C4orf36: variants seen among roughly 807,000 people sequenced by gnomAD.
C4orf36 encodes chromosome 4 open reading frame 36, also known as uncharacterized protein C4orf36.
C4orf36 carries 11 observed loss-of-function variants against 12.2 expected under a neutral mutation model. The ratio of observed to expected loss-of-function variants is 0.90; its 90% CI spans 0.57 to 1.49. The LOEUF (loss-of-function observed/expected upper bound fraction) is 1.49. Ranked by LOEUF, C4orf36 falls within the 40% of genes most tolerant of loss-of-function variation. The probability of loss-of-function intolerance (pLI) is 0.00; values close to 1 mark genes in which losing one functional copy is unlikely to be tolerated. For synonymous variants in C4orf36, 54 were observed against 51.3 expected, an observed-to-expected ratio of 1.05 and a Z score of -0.22; for missense variants, 137 against 133.9, an observed-to-expected ratio of 1.02 and a Z score of -0.11.
chr4:86,923,792 A>G, the C4orf36 span, among the ~76,000 whole-genome samples: 1 of 151,932 alleles, frequency 6.6e-6, no homozygotes, highest in East Asian at 1.9e-4. Flanking sequence ...AATTCCTGAT[A>G]AATTATTGGT....
the C4orf36 span, chr4:86,924,558 G>A: frequency 6.6e-6 from 1 of 152,348 alleles, no homozygotes; most frequent in African/African-American, 2.4e-5. Flanking sequence ...GCCCAGGCTG[G>A]TCTTGAACTC....
upstream of C4orf36, among the ~76,000 whole-genome samples, chr4:86,893,864 T>TTTTATTTATTTA (rs147837409): frequency 1.5e-4 from 21 of 138,286 alleles, no homozygotes; most frequent in Admixed American, 3.0e-4. Flanking sequence ...TGGCCTGAAT[T>TTTTATTTATTTA]TTTATTTATT....
the C4orf36 span, chr4:86,924,693 T>A: frequency 6.6e-6 from 1 of 152,234 alleles, no homozygotes; most frequent in Non-Finnish European, 1.5e-5. Flanking sequence ...ATAATGTGGG[T>A]CCTTGTGTGA....
chr4:86,922,002 C>A, the C4orf36 span, among the ~76,000 whole-genome samples: 5 of 152,090 alleles, frequency 3.3e-5, no homozygotes, highest in Non-Finnish European at 5.9e-5. Context: ...AACTCACATA[C>A]AAATACAAAA....
At chr4:86,907,441 C>T in the C4orf36 span, among the ~76,000 whole-genome samples, 1 of 152,056 alleles carries the variant, frequency 6.6e-6, no homozygotes, top group African/African-American at 2.4e-5. Flanking sequence ...ATCTGTGTAC[C>T]AAACCCCCAT....
chr4:86,890,011 T>C, intron 2 of C4orf36: 1 of 451,818 alleles, frequency 2.2e-6, no homozygotes, highest in Non-Finnish European at 4.4e-6. Context: ...GGCAACAAAG[T>C]GAGACCCCAT....
chr4:86,897,051 G>A (rs907187674), upstream of C4orf36, among the ~76,000 whole-genome samples: 6 of 152,088 alleles, frequency 3.9e-5, no homozygotes, highest in Non-Finnish European at 8.8e-5. Flanking sequence ...ACAGTTAAGG[G>A]GGAAAAATGT....
At chr4:86,892,449 T>C, upstream of C4orf36, 8 of 985,302 alleles carry the variant, frequency 8.1e-6, no homozygotes, top group Non-Finnish European at 9.6e-6. Context: ...CACGGGAGCC[T>C]CAACAAAGGG....
the C4orf36 span, chr4:86,933,240 A>C: frequency 6.6e-6 from 1 of 152,098 alleles, no homozygotes; most frequent in Non-Finnish European, 1.5e-5. Flanking sequence ...CATTCACGAA[A>C]TAAATCAACA....
chr4:86,896,007 A>C (rs1747583515), upstream of C4orf36, among the ~76,000 whole-genome samples: 1 of 152,248 alleles, frequency 6.6e-6, no homozygotes, highest in African/African-American at 2.4e-5. Context: ...TAGTGTGGTA[A>C]CTTTACAGTC....
the C4orf36 span, among the ~76,000 whole-genome samples, chr4:86,922,509 G>A: frequency 6.6e-6 from 1 of 152,178 alleles, no homozygotes; most frequent in Non-Finnish European, 1.5e-5. Context: ...TGGATCCCAT[G>A]AACATTTCTC....
chr4:86,912,637 T>C, the C4orf36 span, among the ~76,000 whole-genome samples: 6 of 152,338 alleles, frequency 3.9e-5, no homozygotes, highest in East Asian at 1.9e-4. Flanking sequence ...GGTTTTGCTA[T>C]TGCTATTGAG....
chr4:86,929,868 TA>T, the C4orf36 span, among the ~76,000 whole-genome samples: 2 of 152,242 alleles, frequency 1.3e-5, no homozygotes, highest in Admixed American at 1.3e-4. Context: ...ATCCCGAGTC[TA>T]TAATGGCACC....
At chr4:86,935,260 ACCCAGGGCTGGGGGTCGATCCGCCCGGCC>A in the C4orf36 span, 1 of 152,252 alleles carries the variant, frequency 6.6e-6, no homozygotes, top group African/African-American at 2.4e-5. Flanking sequence ...GCCCTGCGCC[ACCCAGGGCTGGGGGTCGATCCGCCCGGCC>A]CCCGACGCCG....
chr4:86,908,195 ACACAC>A, the C4orf36 span, among the ~76,000 whole-genome samples: 1 of 150,658 alleles, frequency 6.6e-6, no homozygotes, highest in Non-Finnish European at 1.5e-5. Flanking sequence ...ACACACACAC[ACACAC>A]ACACACACAC....
intron 4 of C4orf36, among the ~76,000 whole-genome samples, chr4:86,885,743 G>C (rs951668435): frequency 1.3e-5 from 2 of 152,204 alleles, no homozygotes; most frequent in African/African-American, 2.4e-5. Flanking sequence ...ATGTTGAATA[G>C]GAGTGGGGAG....
chr4:86,891,491 T>C lies in C4orf36; in HGVS notation c.30A>G (p.Thr10=), dbSNP rs199827881. ...AACTGCCCCGCAAAATGGTTTTCAC[T>C]GTGTTCTTTCTTGGCACTCCATACG... MAYGVPRKN[T]VKTILRGSCY... The change falls in exon 2 of 5, where the codon ACA becomes ACG. Residue 10 remains threonine (T), a synonymous_variant. Coordinates refer to ENST00000295898, the MANE Select transcript of C4orf36 (RefSeq NM_144645.4). 8.7e-6 allele frequency: 14 copies of C among 1,614,034 alleles called. No homozygotes were observed. In the East Asian group the frequency reaches 1.8e-4, roughly 21 times the overall value.
the C4orf36 span, among the ~76,000 whole-genome samples, chr4:86,899,012 G>A: frequency 6.6e-6 from 1 of 151,954 alleles, no homozygotes; most frequent in Non-Finnish European, 1.5e-5. Context: ...GATCACTTGA[G>A]CCCAGGAGGT....
chr4:86,904,600 A>AAAAAAG, the C4orf36 span, among the ~76,000 whole-genome samples: 2 of 151,580 alleles, frequency 1.3e-5, no homozygotes, highest in Non-Finnish European at 1.5e-5. Context: ...AAAAAAAAAA[A>AAAAAAG]AAAAAGTTGT....
Sources: gnomAD v4.1 joint callset for allele counts (sites outside exome capture counted in the v4.1 genomes callset) on GRCh38, gnomAD v4.1.1 for gene constraint, MANE v1.5 for transcripts, NCBI Gene and HGNC (gene_info 2026-07-23, HGNC 2026-07-21) for gene names.